PHF24: variants seen among roughly 807,000 people sequenced by gnomAD.
PHF24 encodes Galpha inhibitory interacting protein.
Under a neutral mutation model 42.6 loss-of-function variants are expected in PHF24, and 25 were observed. That is an observed-to-expected ratio of 0.59 (90% CI 0.43 to 0.82). The LOEUF (loss-of-function observed/expected upper bound fraction) is 0.82, where lower values mean the gene tolerates loss of function less well. Among genes scored for constraint, PHF24 ranks in the 40% least tolerant of loss-of-function variants. The pLI is 0.00. For missense variants in PHF24, 470 were observed against 538.1 expected (o/e 0.87, Z 1.25); for synonymous variants, 185 against 204.8 (o/e 0.90, Z 0.83).
the PHF24 span, among the ~76,000 whole-genome samples, chr9:34,783,616 T>A: frequency 6.6e-6 from 1 of 152,218 alleles, no homozygotes; most frequent in African/African-American, 2.4e-5. Context: ...ACTACCATAT[T>A]ATGTCTCCCT....
At chr9:34,711,944 T>C in the PHF24 span, among the ~76,000 whole-genome samples, 1 of 152,106 alleles carries the variant, frequency 6.6e-6, no homozygotes, top group Admixed American at 6.6e-5. Context: ...CCTTTAGCAT[T>C]TGTTTGTTTG....
At chr9:34,691,228 T>A in the PHF24 span, 4 of 1,172,740 alleles carry the variant, frequency 3.4e-6, no homozygotes, top group Admixed American at 2.0e-5. Flanking sequence ...GCAGGGCGAC[T>A]GGGATGCAGG....
the PHF24 span, among the ~76,000 whole-genome samples, chr9:34,804,061 G>A: frequency 6.6e-6 from 1 of 152,086 alleles, no homozygotes; most frequent in South Asian, 2.1e-4. Context: ...AAGCTTGGTG[G>A]AAGTAAAAGG....
the PHF24 span, among the ~76,000 whole-genome samples, chr9:34,718,775 G>A: frequency 3.3e-5 from 5 of 152,230 alleles, no homozygotes; most frequent in Non-Finnish European, 7.3e-5. Flanking sequence ...CATGGTCCCT[G>A]CCCTCAACAA....
At chr9:34,761,064 T>C in the PHF24 span, among the ~76,000 whole-genome samples, 6 of 152,110 alleles carry the variant, frequency 3.9e-5, no homozygotes, top group Non-Finnish European at 8.8e-5. Flanking sequence ...GGGAGGCTTG[T>C]TAAAAACAGG....
the PHF24 span, among the ~76,000 whole-genome samples, chr9:34,736,143 G>T: frequency 9.2e-5 from 14 of 151,662 alleles, no homozygotes; most frequent in Non-Finnish European, 1.6e-4. Context: ...GAAACAGAAA[G>T]AAAAAAGTGA....
intron 1 of PHF24, among the ~76,000 whole-genome samples, chr9:34,967,825 C>A (rs1826832802): frequency 6.6e-6 from 1 of 152,210 alleles, no homozygotes; most frequent in Admixed American, 6.5e-5. Context: ...CTCATTAGAT[C>A]ATATGAACTT....
At chr9:34,694,159 CTTTTTTTTTTTTT>C in the PHF24 span, among the ~76,000 whole-genome samples, 797 of 66,222 alleles carry the variant, frequency 0.012, 9 homozygotes, top group African/African-American at 0.045. Context: ...TATCTCTATT[CTTTTTTTTTTTTT>C]TTTTTTTTTT....
At chr9:34,889,411 A>G in the PHF24 span, 1 of 398,626 alleles carries the variant, frequency 2.5e-6, no homozygotes, top group Non-Finnish European at 4.4e-6. Context: ...TCCTCAGTAG[A>G]AGGAGGCTGA....
At chr9:34,867,712 T>TTA in the PHF24 span, among the ~76,000 whole-genome samples, 1 of 152,160 alleles carries the variant, frequency 6.6e-6, no homozygotes, top group African/African-American at 2.4e-5. Context: ...ATTCTGTACT[T>TTA]TTTATAGACC....
the PHF24 span, among the ~76,000 whole-genome samples, chr9:34,787,946 A>T: frequency 6.6e-6 from 1 of 152,250 alleles, no homozygotes; most frequent in African/African-American, 2.4e-5. Flanking sequence ...AAAATTATAT[A>T]TACTTATTAC....
At chr9:34,881,091 A>G in the PHF24 span, among the ~76,000 whole-genome samples, 2 of 152,200 alleles carry the variant, frequency 1.3e-5, no homozygotes, top group Non-Finnish European at 2.9e-5. Flanking sequence ...AAACTGAACA[A>G]CCTGCTCCTG....
the PHF24 span, among the ~76,000 whole-genome samples, chr9:34,789,599 A>G: frequency 6.6e-6 from 1 of 152,270 alleles, no homozygotes; most frequent in Admixed American, 6.5e-5. Flanking sequence ...GGATGGTATG[A>G]GTTCCTATGG....
At chr9:34,756,347 C>T in the PHF24 span, among the ~76,000 whole-genome samples, 1 of 152,164 alleles carries the variant, frequency 6.6e-6, no homozygotes, top group Non-Finnish European at 1.5e-5. Flanking sequence ...GATCCAACCA[C>T]CTTGGCCTCC....
the PHF24 span, among the ~76,000 whole-genome samples, chr9:34,920,641 T>C: frequency 6.6e-6 from 1 of 152,214 alleles, no homozygotes; most frequent in African/African-American, 2.4e-5. Context: ...GAATATGGAA[T>C]ATCTTTTTAT....
At chr9:34,820,411 G>C in the PHF24 span, among the ~76,000 whole-genome samples, 1 of 151,980 alleles carries the variant, frequency 6.6e-6, no homozygotes, top group African/African-American at 2.4e-5. Flanking sequence ...GTAGGCCCCA[G>C]TATTTGTTGT....
the PHF24 span, among the ~76,000 whole-genome samples, chr9:34,888,756 T>G: frequency 6.6e-6 from 1 of 152,208 alleles, no homozygotes; most frequent in Non-Finnish European, 1.5e-5. Flanking sequence ...ATGCATTAGA[T>G]TCCTGGCCAC....
the PHF24 span, among the ~76,000 whole-genome samples, chr9:34,701,615 T>TGGCCCCGCCGTCCCTGGG: frequency 6.6e-6 from 1 of 152,048 alleles, no homozygotes; most frequent in Non-Finnish European, 1.5e-5. This position sits in a 1 kb window ranked among gnomAD's most constrained non-coding sequence, Gnocchi z 5.8. Flanking sequence ...CCCGGCTCCC[T>TGGCCCCGCCGTCCCTGGG]GGCCCCGCCG....
chr9:34,860,242 G>T, the PHF24 span, among the ~76,000 whole-genome samples: 85 of 152,306 alleles, frequency 5.6e-4, 2 homozygotes, highest in African/African-American at 2.0e-3. Context: ...TATCTTAAGA[G>T]TCATTGTATG....
Sources: allele counts gnomAD v4.1 joint callset (sites outside exome capture counted in the v4.1 genomes callset), GRCh38; gene constraint gnomAD v4.1.1; non-coding constraint Gnocchi (gnomAD v3.1); transcripts MANE v1.5; gene names NCBI Gene and HGNC (gene_info 2026-07-23, HGNC 2026-07-21).